The following KCNH1 variants were observed in gnomAD, a reference collection of about 807,000 sequenced individuals.
KCNH1 encodes voltage-gated delayed rectifier potassium channel KCNH1.
KCNH1 carries 27 observed loss-of-function variants against 69.2 expected under a neutral mutation model. That is an observed-to-expected ratio of 0.39 (90% CI 0.29 to 0.54). The LOEUF is 0.54. Ranked by LOEUF, KCNH1 falls within the 20% of genes least tolerant of loss-of-function variation. The pLI is 0.68. For synonymous variants in KCNH1, 456 were observed against 487.7 expected (o/e 0.93, Z 0.86); for missense variants, 798 against 1,261.6 (o/e 0.63, Z 5.57).
In KCNH1 at chr1:210,775,252, T is replaced by A. The variant is rs897104657; in HGVS notation, c.2112+96A>T. 4.7e-6 allele frequency: 5 copies of A among 1,057,452 alleles called. No homozygotes were observed. In the African/African-American group the frequency reaches 8.0e-5, roughly 17 times the overall value. The allele number at this position is 1,057,452 out of a possible 1,614,324, so 65.5% of individuals were successfully genotyped here. A position where few individuals can be genotyped will look rare whatever the true frequency, so the allele number is the denominator to read the frequency against. Reference sequence around the variant, plus strand: ...TCCTCTTTAGAACCAATTACTCTACTTAAATAAACAGCAAAGGGACTTTTC... The same window carrying A: ...TCCTCTTTAGAACCAATTACTCTACATAAATAAACAGCAAAGGGACTTTTC... On this transcript the variant is annotated intron_variant, in intron 10 of 10. Transcript: ENST00000271751.
intron 5 of KCNH1, among the ~76,000 whole-genome samples, chr1:211,049,056 C>G (rs1690145717): frequency 6.6e-6 from 1 of 151,950 alleles, no homozygotes; most frequent in Non-Finnish European, 1.5e-5. Flanking sequence ...AATAAAGTAG[C>G]CTCACAAACT....
At chr1:211,048,376 T>G (rs1690131443) in intron 5 of KCNH1, among the ~76,000 whole-genome samples, 2 of 152,144 alleles carry the variant, frequency 1.3e-5, no homozygotes, top group African/African-American at 2.4e-5. Flanking sequence ...AAAAGACACT[T>G]GCACATGCAT....
intron 6 of KCNH1, among the ~76,000 whole-genome samples, chr1:210,975,244 G>A (rs1688583619): frequency 6.6e-6 from 1 of 152,116 alleles, no homozygotes; most frequent in African/African-American, 2.4e-5. Context: ...CTTGCTAGCT[G>A]TCTATCAATT....
chr1:210,832,235 G>A (rs1685176961), intron 7 of KCNH1, among the ~76,000 whole-genome samples: 2 of 152,120 alleles, frequency 1.3e-5, no homozygotes, highest in African/African-American at 4.8e-5. Context: ...GGTAAGGTCT[G>A]ACCAAAAAGG....
chr1:211,102,414 T>G (rs1691274179), intron 3 of KCNH1, among the ~76,000 whole-genome samples: 1 of 152,196 alleles, frequency 6.6e-6, no homozygotes, highest in Non-Finnish European at 1.5e-5. Flanking sequence ...AGTCTTTCCC[T>G]TCGTTCCTCT....
At chr1:210,861,296 G>A in intron 7 of KCNH1, 1 of 872,232 alleles carries the variant, frequency 1.1e-6, no homozygotes, top group Non-Finnish European at 2.0e-6. Flanking sequence ...TTGATTAATA[G>A]AATTTAATGT....
At chr1:210,842,026 G>A (rs1331099706) in intron 7 of KCNH1, among the ~76,000 whole-genome samples, 1 of 152,110 alleles carries the variant, frequency 6.6e-6, no homozygotes, top group Non-Finnish European at 1.5e-5. Flanking sequence ...TACCCATTGA[G>A]TGCTCTCATT....
chr1:210,858,883 T>G, intron 7 of KCNH1: 2 of 282,864 alleles, frequency 7.1e-6, no homozygotes, highest in African/African-American at 2.2e-5. Flanking sequence ...ATTTCCACAG[T>G]GTCACTTTGA....
At chr1:210,871,503 A>T (rs1430698207) in intron 7 of KCNH1, among the ~76,000 whole-genome samples, 1 of 152,218 alleles carries the variant, frequency 6.6e-6, no homozygotes, top group Non-Finnish European at 1.5e-5. Flanking sequence ...GCAATTCCTC[A>T]GGGATCTAGA....
At chr1:210,938,082 C>A (rs1021381958) in intron 6 of KCNH1, among the ~76,000 whole-genome samples, 2 of 152,208 alleles carry the variant, frequency 1.3e-5, no homozygotes, top group African/African-American at 4.8e-5. Context: ...ATGGGTTTGG[C>A]ATGTCTAACC....
intron 6 of KCNH1, among the ~76,000 whole-genome samples, chr1:210,940,306 A>T (rs1207022150): frequency 2.0e-5 from 3 of 152,216 alleles, no homozygotes; most frequent in Non-Finnish European, 4.4e-5. Flanking sequence ...GCCACAGAGA[A>T]AACACAGCCT....
chr1:211,086,161 T>C (rs1169157524), intron 4 of KCNH1, among the ~76,000 whole-genome samples: 1 of 152,198 alleles, frequency 6.6e-6, no homozygotes, highest in Non-Finnish European at 1.5e-5. Flanking sequence ...GTGAATACAA[T>C]AGGTATATTG....
At chr1:211,061,753 T>C (rs947358718) in intron 5 of KCNH1, among the ~76,000 whole-genome samples, 1 of 151,994 alleles carries the variant, frequency 6.6e-6, no homozygotes, top group African/African-American at 2.4e-5. Context: ...AATTAATTTA[T>C]CCAAACAAGT....
chr1:210,926,618 A>C (rs1687580166), intron 6 of KCNH1, among the ~76,000 whole-genome samples: 1 of 152,202 alleles, frequency 6.6e-6, no homozygotes, highest in South Asian at 2.1e-4. Context: ...AATGAGAAGG[A>C]ACCAGAAAAA....
At chr1:210,992,520 C>T (rs1223424416) in intron 6 of KCNH1, among the ~76,000 whole-genome samples, 2 of 152,144 alleles carry the variant, frequency 1.3e-5, no homozygotes, top group South Asian at 4.1e-4. Flanking sequence ...CATATCTTTC[C>T]CAAAGACACA....
rs553154099 is a variant in KCNH1 at position 210,924,829 on chromosome 1, C to T, written c.1033-4760G>A. 5.9e-5 allele frequency among the ~76,000 whole-genome samples: 9 copies of T among 152,022 alleles called. No individual in the cohort carries two copies. The East Asian group carries it at 1.5e-3, about 26-fold the overall frequency. On this transcript the variant is annotated intron_variant, in intron 6 of 10. Transcript: ENST00000271751. ...GCAGCCCCAACCCCCAGAAAATCCA[C>T]ATCACTGCTTCCACTAACAACTGTA... is the stretch of plus-strand genomic sequence containing the variant.
intron 6 of KCNH1, among the ~76,000 whole-genome samples, chr1:210,969,152 T>A (rs1353203539): frequency 6.6e-6 from 1 of 152,102 alleles, no homozygotes; most frequent in Non-Finnish European, 1.5e-5. Flanking sequence ...TTCTGTACAT[T>A]ATGAATTCTT....
At chr1:210,817,554 G>A (rs1684843351) in intron 7 of KCNH1, among the ~76,000 whole-genome samples, 1 of 152,092 alleles carries the variant, frequency 6.6e-6, no homozygotes, top group Non-Finnish European at 1.5e-5. Flanking sequence ...AAACACCCAG[G>A]CAGGTTGGCT....
At chr1:210,788,626 C>T (rs1684147939) in intron 9 of KCNH1, among the ~76,000 whole-genome samples, 1 of 151,296 alleles carries the variant, frequency 6.6e-6, no homozygotes, top group Non-Finnish European at 1.5e-5. Context: ...GTGTGCACTA[C>T]CTGATACAAG....
Sources: gnomAD v4.1 joint callset for allele counts (sites outside exome capture counted in the v4.1 genomes callset) on GRCh38, gnomAD v4.1.1 for gene constraint, MANE v1.5 for transcripts, NCBI Gene and HGNC (gene_info 2026-07-23, HGNC 2026-07-21) for gene names.